The following HMGCLL1 variants were observed in gnomAD, a reference collection of about 807,000 sequenced individuals.
HMGCLL1 encodes the protein 3-hydroxy-3-methylglutaryl-CoA lyase like 1.
Under a neutral mutation model 39.1 loss-of-function variants are expected in HMGCLL1, and 36 were observed. The ratio of observed to expected loss-of-function variants is 0.92; its 90% CI spans 0.71 to 1.22. HMGCLL1 has a LOEUF of 1.22. Among genes scored for constraint, HMGCLL1 ranks in the 50% most tolerant of loss-of-function variants. The pLI, the probability that HMGCLL1 is intolerant of heterozygous loss-of-function variation, is 0.00. For missense variants in HMGCLL1, 451 were observed against 416.5 expected (o/e 1.08, Z -0.72); for synonymous variants, 149 against 144.0 (o/e 1.03, Z -0.25).
chr6:55,596,744 G>T, the HMGCLL1 span, among the ~76,000 whole-genome samples: 5 of 152,198 alleles, frequency 3.3e-5, no homozygotes, highest in South Asian at 1.0e-3. Context: ...CAAACTTTTT[G>T]TCTCAAATTT....
chr6:55,488,372 T>A lies in HMGCLL1; in HGVS notation c.795+7047A>T, dbSNP rs144842031. Among the ~76,000 whole-genome samples the A allele has an allele frequency of 6.9e-4, 105 of 152,196 alleles. 1 individual carries two copies. The East Asian group carries it at 0.019, about 27-fold the overall frequency. On this transcript the variant is annotated intron_variant, in intron 7 of 8. Transcript: ENST00000274901. ...GTGGATACATACAACTTCCTGACTA[T>A]GCAATTTGACATGATTTTCACATTT...
chr6:55,563,921 AGAG>A (rs1172254030), intron 1 of HMGCLL1: 12 of 1,275,836 alleles, frequency 9.4e-6, no homozygotes, highest in Non-Finnish European at 1.2e-5. Context: ...GCTCCTTTGG[AGAG>A]GAGGAATGAG....
chr6:55,623,688 T>A, the HMGCLL1 span, among the ~76,000 whole-genome samples: 1 of 149,122 alleles, frequency 6.7e-6, no homozygotes, highest in South Asian at 2.1e-4. Context: ...ATATAATACA[T>A]ATATACATAT....
At chr6:55,567,251 G>C (rs2127473994) in intron 1 of HMGCLL1, among the ~76,000 whole-genome samples, 1 of 151,562 alleles carries the variant, frequency 6.6e-6, no homozygotes, top group South Asian at 2.1e-4. Flanking sequence ...TGTAAAAAGT[G>C]AGTGAACCTC....
the HMGCLL1 span, among the ~76,000 whole-genome samples, chr6:55,662,040 A>C: frequency 6.6e-6 from 1 of 151,824 alleles, no homozygotes; most frequent in Non-Finnish European, 1.5e-5. Flanking sequence ...TTGATTTTCT[A>C]TCCTGAAACT....
chr6:55,466,822 C>G (rs2127400133), intron 7 of HMGCLL1, among the ~76,000 whole-genome samples: 1 of 152,124 alleles, frequency 6.6e-6, no homozygotes, highest in African/African-American at 2.4e-5. Context: ...TTCTAAAATA[C>G]AAATCTGAAG....
chr6:55,631,405 G>C, the HMGCLL1 span, among the ~76,000 whole-genome samples: 1 of 151,886 alleles, frequency 6.6e-6, no homozygotes, highest in Non-Finnish European at 1.5e-5. Flanking sequence ...GGAATTATTT[G>C]TATCATTATA....
At chr6:55,625,114 G>T in the HMGCLL1 span, among the ~76,000 whole-genome samples, 1 of 152,068 alleles carries the variant, frequency 6.6e-6, no homozygotes, top group South Asian at 2.1e-4. Flanking sequence ...CTAGGATTTT[G>T]GAACAAGGCC....
upstream of HMGCLL1, among the ~76,000 whole-genome samples, chr6:55,582,502 T>C (rs759105287): frequency 3.3e-5 from 5 of 152,158 alleles, no homozygotes; most frequent in Admixed American, 6.5e-5. Context: ...TTCTTAAAAA[T>C]GGTTCAATTA....
At chr6:55,626,576 G>C in the HMGCLL1 span, among the ~76,000 whole-genome samples, 5 of 152,064 alleles carry the variant, frequency 3.3e-5, no homozygotes, top group Admixed American at 1.3e-4. Flanking sequence ...CCATAGACAG[G>C]ATTCATGGGT....
chr6:55,640,672 T>A, the HMGCLL1 span, among the ~76,000 whole-genome samples: 1 of 151,764 alleles, frequency 6.6e-6, no homozygotes. Context: ...TGTAGGCACA[T>A]GCTACATTAT....
At chr6:55,610,189 G>A in the HMGCLL1 span, among the ~76,000 whole-genome samples, 43 of 152,202 alleles carry the variant, frequency 2.8e-4, no homozygotes, top group African/African-American at 9.9e-4. Flanking sequence ...TAAGCTAGAT[G>A]AATTGACAGA....
At chr6:55,577,491 T>C (rs1386843592) in intron 1 of HMGCLL1, among the ~76,000 whole-genome samples, 1 of 152,160 alleles carries the variant, frequency 6.6e-6, no homozygotes, top group African/African-American at 2.4e-5. Flanking sequence ...AGCTGATGAA[T>C]GCCCCAGAAT....
Position 55,529,328 on chromosome 6 carries a change from G to A in HMGCLL1, c.297+12401C>T, listed in dbSNP as rs117178266. Among the ~76,000 whole-genome samples the A allele has an allele frequency of 2.6e-4, 39 of 152,156 alleles. No homozygotes were observed. In the East Asian group the frequency reaches 7.5e-3, roughly 29 times the overall value. On this transcript the variant is annotated intron_variant, in intron 3 of 8. Transcript: ENST00000274901. ...AAGCAGAAGTGATTTTTGAAATACT[G>A]TATCTAATTGTAGTTACTGTATACA...
the HMGCLL1 span, among the ~76,000 whole-genome samples, chr6:55,621,263 G>C: frequency 2.0e-5 from 3 of 152,196 alleles, no homozygotes; most frequent in South Asian, 6.2e-4. Flanking sequence ...TAACATGAAA[G>C]TGTTTTCATT....
rs1281121124 is a variant in HMGCLL1, at chr6:55,532,593, G to C, written c.297+9136C>G. On this transcript the variant is annotated intron_variant, in intron 3 of 8. Transcript: ENST00000274901. The stretch of plus-strand genomic sequence containing the variant: ...TGAGGCAGGTGGATCACAAGGTCAG[G>C]AGTTCGAGACCAGCCTGGCCAAGAT... Among the ~76,000 whole-genome samples, 3 of 151,904 alleles carry C rather than the reference G, an allele frequency of 2.0e-5. No homozygotes were observed. The East Asian group carries it at 5.8e-4, about 29-fold the overall frequency.
In HMGCLL1 at chr6:55,435,633, C is replaced by T; in HGVS notation, c.*29G>A. Reference sequence around the variant, plus strand: ...GAGTATTGTAGCTGAAATTGATCTTCTCAACGGTACGTCATAAATCCATTC... The same window carrying T: ...GAGTATTGTAGCTGAAATTGATCTTTTCAACGGTACGTCATAAATCCATTC... On this transcript the variant is annotated 3_prime_UTR_variant, in exon 9 of 9. Coordinates refer to ENST00000274901, the MANE Select transcript of HMGCLL1 (RefSeq NM_001042406.2). The T allele has an allele frequency of 7.7e-7, 1 of 1,295,844 alleles. No individual in the cohort carries two copies. Among genetic ancestry groups the T allele is most frequent in the East Asian group, 2.4e-5 (1 of 41,474 alleles). The allele number at this position is 1,295,844 out of a possible 1,614,324, so 80.3% of individuals were successfully genotyped here. A position where few individuals can be genotyped will look rare whatever the true frequency, so the allele number is the denominator to read the frequency against.
chr6:55,506,124 A>G (rs1360842117), intron 5 of HMGCLL1, among the ~76,000 whole-genome samples: 1 of 151,722 alleles, frequency 6.6e-6, no homozygotes, highest in Non-Finnish European at 1.5e-5. Context: ...TTACAATGAG[A>G]AAGCTTCCTG....
chr6:55,469,731 T>A (rs944093295), intron 7 of HMGCLL1, among the ~76,000 whole-genome samples: 5 of 151,690 alleles, frequency 3.3e-5, no homozygotes, highest in African/African-American at 1.2e-4. Context: ...AAACAAAGAA[T>A]CCAGGGGGCT....
Sources: allele counts gnomAD v4.1 joint callset (sites outside exome capture counted in the v4.1 genomes callset), GRCh38; gene constraint gnomAD v4.1.1; transcripts MANE v1.5; gene names NCBI Gene and HGNC (gene_info 2026-07-23, HGNC 2026-07-21).